SCN1A: variants seen among roughly 807,000 people sequenced by gnomAD.
SCN1A encodes the protein sodium channel protein type 1 subunit alpha.
In SCN1A, 13 loss-of-function variants were observed where a neutral mutation model predicts 193.7. The observed-to-expected ratio is 0.07, with a 90% CI of 0.04 to 0.11. SCN1A has a LOEUF of 0.11. SCN1A is among the 10% of genes least tolerant of loss of function. The pLI is 1.00. For synonymous variants in SCN1A, 781 were observed against 843.6 expected, an observed-to-expected ratio of 0.93 and a Z score of 1.29; for missense variants, 1,432 against 2,451.1, an observed-to-expected ratio of 0.58 and a Z score of 8.78.
chr2:166,041,340 A>G lies in SCN1A; in HGVS notation c.2306T>C (p.Phe769Ser). 6.2e-7 allele frequency: 1 copy of G among 1,613,672 alleles called. No homozygotes were observed. The highest frequency in any genetic ancestry group is 8.5e-7 in the Non-Finnish European group (1 of 1,179,578). Residue 769 changes from phenylalanine (F) to serine (S), a missense_variant, in exon 16 of 29, where the codon TTT becomes TCT. Phe to Ser is a radical substitution (Grantham distance 155, BLOSUM62 -2). Around this residue, in one of 18 missense-constraint regions of SCN1A, gnomAD observed 316 missense variants for 362.1 expected, o/e 0.87. Coordinates refer to ENST00000674923, the MANE Select transcript of SCN1A (RefSeq NM_001165963.4). ...ACAGATGGTGATGGCCAGGTCAACA[A>G]ATGGGTCCATCACAACCAGGTTGAC... ...HVVNLVVMDP[F>S]VDLAITICIV...
chr2:166,112,260 C>T (rs1689374870), intron 2 of SCN1A, among the ~76,000 whole-genome samples: 1 of 152,150 alleles, frequency 6.6e-6, no homozygotes, highest in Non-Finnish European at 1.5e-5. Context: ...AACTACCACC[C>T]TGATCAGTCA....
downstream of SCN1A, chr2:165,984,743 T>C (rs1263880565): frequency 6.6e-6 from 1 of 152,132 alleles, no homozygotes; most frequent in Non-Finnish European, 1.5e-5. Flanking sequence ...AAGCATTGAA[T>C]ATAGGAGATG....
intron 19 of SCN1A, among the ~76,000 whole-genome samples, chr2:166,020,439 G>A (rs530815901): frequency 6.2e-4 from 95 of 152,116 alleles, no homozygotes; most frequent in Non-Finnish European, 8.2e-4. Context: ...ACCTTGATGT[G>A]CAAAAATTGC....
In SCN1A at chr2:166,009,785, G is replaced by C; in HGVS notation, c.3936C>G (p.Ile1312Met). The change falls in exon 23 of 29, where the codon ATC becomes ATG. Residue 1312 changes from isoleucine (I) to methionine (M), a missense_variant. Physicochemically the swap from Ile to Met is conservative, Grantham distance 10 (BLOSUM62 1). Around this residue, in one of 18 missense-constraint regions of SCN1A, gnomAD observed 107 missense variants for 259.4 expected, o/e 0.41. Transcript: ENST00000674923. Reference protein sequence around the residue: ...NALGYSELGAIKSLRTLRALR... With the variant: ...NALGYSELGAMKSLRTLRALR... ...GAGCTCTTAGTGTCCTGAGAGATTT[G>C]ATGGCTCCAAGTTCTGAGTAACCCA... is the stretch of plus-strand genomic sequence containing the variant. 6.2e-7 allele frequency: 1 copy of C among 1,607,424 alleles called. No homozygotes were observed.
intron 13 of SCN1A, 78 bp from the exon 14 acceptor site, chr2:166,044,127 G>T (rs1697511553): frequency 2.7e-6 from 4 of 1,500,648 alleles, no homozygotes; most frequent in South Asian, 1.2e-5. Context: ...GCAAGATTAT[G>T]TAGAAGGAGA....
In SCN1A at chr2:166,109,036, T is replaced by C. The variant is rs374100274; in HGVS notation, c.-142+17888A>G. Among the ~76,000 whole-genome samples the C allele has an allele frequency of 1.6e-3, 240 of 152,288 alleles. 1 individual carries two copies. The highest frequency in any genetic ancestry group is 5.3e-3 in the African/African-American group (222 of 41,572). On this transcript the variant is annotated intron_variant, in intron 2 of 28. Coordinates refer to ENST00000674923, the MANE Select transcript of SCN1A (RefSeq NM_001165963.4). ...CAATTTTTTATTCTTTTCTCTTCTA[T>C]AGGATTTCAAGGAGTTTAGAACTTT...
At chr2:166,027,504 A>G (rs1241338065) in intron 19 of SCN1A, among the ~76,000 whole-genome samples, 2 of 151,902 alleles carry the variant, frequency 1.3e-5, no homozygotes, top group Non-Finnish European at 2.9e-5. Flanking sequence ...ATAATAAGTA[A>G]TATAAATAAA....
chr2:165,999,607 T>A (rs1035777384), intron 25 of SCN1A, 116 bp downstream of exon 25: 18 of 810,880 alleles, frequency 2.2e-5, no homozygotes, highest in African/African-American at 5.1e-5. Context: ...TCACACTTTT[T>A]CCCAAATATT....
At chr2:166,136,285 T>C (rs1691854338) in intron 1 of SCN1A, among the ~76,000 whole-genome samples, 1 of 152,144 alleles carries the variant, frequency 6.6e-6, no homozygotes, top group African/African-American at 2.4e-5. Context: ...CCCTGACGTT[T>C]CTGCTTCCCT....
At chr2:165,996,813 A>G (rs973446399) in intron 26 of SCN1A, among the ~76,000 whole-genome samples, 2 of 151,468 alleles carry the variant, frequency 1.3e-5, no homozygotes, top group Admixed American at 6.6e-5. Context: ...TTCATTATAC[A>G]AAAAGCAAAC....
At chr2:166,112,327 T>G in intron 2 of SCN1A, among the ~76,000 whole-genome samples, 1 of 152,206 alleles carries the variant, frequency 6.6e-6, no homozygotes, top group Non-Finnish European at 1.5e-5. Context: ...TATGACTCAC[T>G]GAAGGCTCAG....
intron 1 of SCN1A, among the ~76,000 whole-genome samples, chr2:166,133,420 A>C (rs564788505): frequency 1.5e-4 from 23 of 152,308 alleles, no homozygotes; most frequent in African/African-American, 5.3e-4. Context: ...AGAATAATAC[A>C]TGAACCTGAT....
rs138181528 is a variant in SCN1A, at chr2:166,013,864, A to G, written c.3585T>C (p.Asn1195=). The G allele has an allele frequency of 5.0e-6, 8 of 1,612,130 alleles. No homozygotes were observed. The African/African-American group carries it at 8.0e-5, about 16-fold the overall frequency. Residue 1195 remains asparagine, a synonymous_variant, in exon 21 of 29, where the codon AAT becomes AAC. Coordinates refer to ENST00000674923, the MANE Select transcript of SCN1A (RefSeq NM_001165963.4). The part of the protein sequence containing the change: ...CVQRFKCCQI[N]VEEGRGKQWW... ...ATTGTTTTCCTCTGCCTTCTTCCACATTGATTTGACAACACTTGAATCTTT... is the reference window on the plus strand; with the variant it reads ...ATTGTTTTCCTCTGCCTTCTTCCACGTTGATTTGACAACACTTGAATCTTT...
At chr2:166,131,334 A>C (rs1370156422), upstream of SCN1A, among the ~76,000 whole-genome samples, 1 of 151,870 alleles carries the variant, frequency 6.6e-6, no homozygotes, top group Non-Finnish European at 1.5e-5. Context: ...GTTCCTAACA[A>C]GGAAAAGAGA....
intron 3 of SCN1A, among the ~76,000 whole-genome samples, chr2:166,074,322 A>G (rs980785255): frequency 6.6e-6 from 1 of 152,202 alleles, no homozygotes; most frequent in Non-Finnish European, 1.5e-5. Flanking sequence ...TATGTGAGTA[A>G]GAAGGAGAGG....
intron 4 of SCN1A, among the ~76,000 whole-genome samples, chr2:166,062,303 G>A (rs1683392676): frequency 6.6e-6 from 1 of 152,048 alleles, no homozygotes; most frequent in Admixed American, 6.6e-5. Flanking sequence ...AACCCAATAT[G>A]TATAATTTTA....
chr2:166,075,745 AACT>A (rs1270513359), intron 3 of SCN1A, among the ~76,000 whole-genome samples: 2 of 152,136 alleles, frequency 1.3e-5, no homozygotes, highest in Non-Finnish European at 2.9e-5. Flanking sequence ...GTTACTGCAA[AACT>A]ACTTTCTATG....
intron 2 of SCN1A, among the ~76,000 whole-genome samples, chr2:166,105,277 G>C (rs1034656426): frequency 1.4e-4 from 22 of 152,208 alleles, no homozygotes; most frequent in Non-Finnish European, 2.4e-4. Context: ...CAAGTTATAA[G>C]TTTAAAATGA....
At chr2:166,132,125 A>G (rs1356414830), upstream of SCN1A, among the ~76,000 whole-genome samples, 1 of 152,186 alleles carries the variant, frequency 6.6e-6, no homozygotes, top group Non-Finnish European at 1.5e-5. Context: ...TGGTGACAAC[A>G]GACAAGTCTA....
Sources: gnomAD v4.1 joint callset for allele counts (sites outside exome capture counted in the v4.1 genomes callset) on GRCh38, gnomAD v4.1.1 for gene constraint, gnomAD v4.1.1 regional missense constraint, MANE v1.5 for transcripts, NCBI Gene and HGNC (gene_info 2026-07-23, HGNC 2026-07-21) for gene names.